DDR2: variants seen among roughly 807,000 people sequenced by gnomAD.
The protein encoded by DDR2 is discoidin domain-containing receptor 2.
In DDR2, 27 loss-of-function variants were observed where a neutral mutation model predicts 94.9. That is an observed-to-expected ratio of 0.28 (90% CI 0.21 to 0.39). DDR2 has a LOEUF of 0.39. Ranked by LOEUF, DDR2 falls within the 10% of genes least tolerant of loss-of-function variation. The pLI is 1.00. For missense variants in DDR2, 783 were observed against 1,076.0 expected, an observed-to-expected ratio of 0.73 and a Z score of 3.81; for synonymous variants, 382 against 377.2, an observed-to-expected ratio of 1.01 and a Z score of -0.15.
chr1:162,784,527 A>C lies in DDR2; in HGVS notation c.*4281A>C. The C allele has an allele frequency of 6.5e-6, 1 of 152,674 alleles. No individual in the cohort carries two copies. Among genetic ancestry groups the C allele is most frequent in the East Asian group, 1.9e-4 (1 of 5,162 alleles). 9.5% of individuals were successfully genotyped at this position (152,674 alleles called of 1,614,324 possible). On this transcript the variant is annotated 3_prime_UTR_variant, in exon 18 of 18. Coordinates refer to ENST00000367921, the MANE Select transcript of DDR2 (RefSeq NM_006182.4). ...AAATAGAAATGTAACATTTTTATAA[A>C]AACAGATTAATGTGTTTTTCACTTA...
At chr1:162,724,727 C>G (rs1028596330) in intron 3 of DDR2, among the ~76,000 whole-genome samples, 12 of 151,926 alleles carry the variant, frequency 7.9e-5, no homozygotes, top group African/African-American at 2.9e-4. Context: ...TGAAACCAGG[C>G]CTGAGGTACT....
chr1:162,668,737 C>T (rs1658697122), intron 2 of DDR2, among the ~76,000 whole-genome samples: 1 of 152,192 alleles, frequency 6.6e-6, no homozygotes, highest in Non-Finnish European at 1.5e-5. Context: ...TTGGTAACAT[C>T]TGCAAAGACC....
chr1:162,688,944 A>T (rs1051841899), intron 2 of DDR2, among the ~76,000 whole-genome samples: 2 of 152,164 alleles, frequency 1.3e-5, no homozygotes, highest in South Asian at 4.1e-4. Flanking sequence ...GTTTTCACTG[A>T]TGATGAAGCC....
chr1:162,676,227 T>A (rs947121832), intron 2 of DDR2, among the ~76,000 whole-genome samples: 2 of 152,158 alleles, frequency 1.3e-5, no homozygotes, highest in African/African-American at 4.8e-5. Context: ...TCTGCCTTAC[T>A]CCTGGTCACA....
intron 2 of DDR2, among the ~76,000 whole-genome samples, chr1:162,656,670 A>G (rs539644406): frequency 1.3e-5 from 2 of 151,640 alleles, no homozygotes; most frequent in Admixed American, 6.6e-5. Context: ...TTCACAGTGT[A>G]TATTTTAGAA....
chr1:162,706,136 T>A (rs1030838460), intron 2 of DDR2, among the ~76,000 whole-genome samples: 3 of 152,226 alleles, frequency 2.0e-5, no homozygotes, highest in Non-Finnish European at 4.4e-5. Context: ...ATAATGTGTA[T>A]GACATCTGTG....
rs77072320 is a variant in DDR2 at position 162,699,202 on chromosome 1, A to T, written c.-27-19835A>T. Among the ~76,000 whole-genome samples, 362 of 152,336 alleles carry T rather than the reference A, an allele frequency of 2.4e-3. 12 individuals are homozygous for T. The East Asian group carries it at 0.066, about 28-fold the overall frequency. ...AGATAAGAGACATTTGAATTTCTCA[A>T]TGCCTTCTGAAAACCTGTGTGCAGA... On this transcript the variant is annotated intron_variant, in intron 2 of 17. Coordinates refer to ENST00000367921, the MANE Select transcript of DDR2 (RefSeq NM_006182.4).
At position 162,780,384 on chromosome 1, in the gene DDR2, T is replaced by A; in HGVS notation, c.*138T>A. 2 of 1,327,172 alleles carry A rather than the reference T, an allele frequency of 1.5e-6. No individual in the cohort carries two copies. Among genetic ancestry groups the A allele is most frequent in the Non-Finnish European group, 2.1e-6 (2 of 953,302 alleles). The allele number at this position is 1,327,172 out of a possible 1,614,324, so 82.2% of individuals were successfully genotyped here. On this transcript the variant is annotated 3_prime_UTR_variant, in exon 18 of 18. Transcript: ENST00000367921. ...GCTTGTTTGCTTTGCCCTCTTTTCC[T>A]GGTCACCCCCACTCCCTACCCCTGA... is the stretch of plus-strand genomic sequence containing the variant.
intron 2 of DDR2, among the ~76,000 whole-genome samples, chr1:162,664,775 TA>T (rs372895636): frequency 9.5e-4 from 145 of 152,262 alleles, no homozygotes; most frequent in African/African-American, 3.3e-3. Context: ...ATCAGAAAAA[TA>T]AATGAGTTAC....
At position 162,783,147 on chromosome 1, in the gene DDR2, T is replaced by C. The variant is rs940575536; in HGVS notation, c.*2901T>C. On this transcript the variant is annotated 3_prime_UTR_variant, in exon 18 of 18. Transcript: ENST00000367921. ...CCTTTGCAGTAAGTTATCTTCTTCA[T>C]GATATATGTGAATTATTTTATGTGC... The C allele has an allele frequency of 1.1e-4, 17 of 152,220 alleles. No individual in the cohort carries two copies. The highest frequency in any genetic ancestry group is 4.1e-4 in the African/African-American group (17 of 41,458). The allele number at this position is 152,220 out of a possible 1,614,324, so 9.4% of individuals were successfully genotyped here. A position where few individuals can be genotyped will look rare whatever the true frequency, so the allele number is the denominator to read the frequency against.
intron 3 of DDR2, among the ~76,000 whole-genome samples, chr1:162,741,231 A>G (rs768086651): frequency 1.1e-3 from 155 of 141,384 alleles, no homozygotes; most frequent in African/African-American, 2.9e-3. Flanking sequence ...ATATAATATA[A>G]TATAATATAA....
Position 162,754,795 on chromosome 1 carries a change from G to T in DDR2, c.357G>T (p.Lys119Asn), listed in dbSNP as rs886043539. ...GCATCGAGTTTGCCCCCATGTACAA[G>T]ATCAATTACAGTCGGGATGGCACTC... Reference protein sequence around the residue: ...GHGIEFAPMYKINYSRDGTRW... With the variant: ...GHGIEFAPMYNINYSRDGTRW... The change falls in exon 5 of 18, where the codon AAG (lysine) becomes AAT (asparagine). Residue 119 changes from lysine (K) to asparagine (N), a missense_variant. Coordinates refer to ENST00000367921, the MANE Select transcript of DDR2 (RefSeq NM_006182.4). 2 of 1,614,110 alleles carry T rather than the reference G, an allele frequency of 1.2e-6. No homozygotes were observed. The highest frequency in any genetic ancestry group is 1.7e-6 in the Non-Finnish European group (2 of 1,180,014).
At chr1:162,661,167 A>G (rs1434018313) in intron 2 of DDR2, among the ~76,000 whole-genome samples, 1 of 152,160 alleles carries the variant, frequency 6.6e-6, no homozygotes, top group African/African-American at 2.4e-5. Flanking sequence ...TGACTTTCCA[A>G]AATCCATTTA....
At chr1:162,742,279 A>G (rs1662646603) in intron 3 of DDR2, among the ~76,000 whole-genome samples, 1 of 152,274 alleles carries the variant, frequency 6.6e-6, no homozygotes, top group African/African-American at 2.4e-5. Context: ...TGTTATAAAT[A>G]CATACCCAAG....
rs1466425073 is a variant in DDR2, at chr1:162,773,451, T to C, written c.1729-18T>C. 3 of 1,612,906 alleles carry C rather than the reference T, an allele frequency of 1.9e-6. No homozygotes were observed. Among genetic ancestry groups the C allele is most frequent in the Admixed American group, 1.7e-5 (1 of 59,976 alleles). On this transcript the variant is annotated intron_variant, in intron 13 of 17. Transcript: ENST00000367921. ...TCAGGAGAAATGATGATGCTGAGACTAGATGACTTTTGTCTAGGTTCATCT... is the reference window on the plus strand; with the variant it reads ...TCAGGAGAAATGATGATGCTGAGACCAGATGACTTTTGTCTAGGTTCATCT...
chr1:162,698,261 G>A (rs1660277446), intron 2 of DDR2, among the ~76,000 whole-genome samples: 1 of 152,166 alleles, frequency 6.6e-6, no homozygotes, highest in Non-Finnish European at 1.5e-5. Flanking sequence ...AACAGTCAAG[G>A]GATTCAGTTC....
intron 3 of DDR2, among the ~76,000 whole-genome samples, chr1:162,743,986 CT>C (rs1168583525): frequency 1.3e-5 from 2 of 152,124 alleles, no homozygotes; most frequent in Non-Finnish European, 2.9e-5. Context: ...TTTGGTCTGA[CT>C]TTTTTTATTA....
intron 3 of DDR2, among the ~76,000 whole-genome samples, chr1:162,723,096 C>T (rs1661493128): frequency 6.6e-6 from 1 of 152,112 alleles, no homozygotes; most frequent in South Asian, 2.1e-4. Flanking sequence ...GAAACCCTGC[C>T]CCAGCCTAAC....
chr1:162,777,638 A>C (rs529505349), intron 16 of DDR2: 1 of 152,328 alleles, frequency 6.6e-6, no homozygotes, highest in Non-Finnish European at 1.5e-5. Context: ...CCTTGGTTCA[A>C]ATCCAGTTTT....
Sources: gnomAD v4.1 joint callset for allele counts (sites outside exome capture counted in the v4.1 genomes callset) on GRCh38, gnomAD v4.1.1 for gene constraint, MANE v1.5 for transcripts, NCBI Gene and HGNC (gene_info 2026-07-23, HGNC 2026-07-21) for gene names.